The following KCNB2 variants were observed in gnomAD, a reference collection of about 807,000 sequenced individuals.
KCNB2 encodes the protein potassium voltage-gated channel subfamily B member 2.
KCNB2 carries 15 observed loss-of-function variants against 61.5 expected under a neutral mutation model. The observed-to-expected ratio is 0.24, with a 90% confidence interval of 0.16 to 0.38. The LOEUF (loss-of-function observed/expected upper bound fraction) is 0.38. Ranked by LOEUF, KCNB2 falls within the 10% of genes least tolerant of loss-of-function variation. The pLI is 1.00. For synonymous variants in KCNB2, 457 were observed against 446.0 expected, an observed-to-expected ratio of 1.02 and a Z score of -0.31; for missense variants, 828 against 1,125.2, an observed-to-expected ratio of 0.74 and a Z score of 3.78.
intron 2 of KCNB2, among the ~76,000 whole-genome samples, chr8:72,689,008 C>A (rs1372086282): frequency 6.6e-6 from 1 of 152,184 alleles, no homozygotes; most frequent in Admixed American, 6.5e-5. Context: ...GGATTACAGG[C>A]ATGAGCCACC....
Position 72,867,693 on chromosome 8 carries a change from C to T in KCNB2, c.580-68242C>T, listed in dbSNP as rs535849750. ...CTTGTTGAGGTTTCGAGAAGGCATGCCCAACAAATCCACTCACACTTCAGG... is the reference window on the plus strand; with the variant it reads ...CTTGTTGAGGTTTCGAGAAGGCATGTCCAACAAATCCACTCACACTTCAGG... On this transcript the variant is annotated intron_variant, in intron 2 of 2. Coordinates refer to ENST00000523207, the MANE Select transcript of KCNB2 (RefSeq NM_004770.3). Among the ~76,000 whole-genome samples the T allele has an allele frequency of 2.0e-5, 3 of 152,266 alleles. No homozygotes were observed. In the South Asian group the frequency reaches 6.2e-4, roughly 32 times the overall value.
chr8:72,751,671 C>T (rs975195564), intron 2 of KCNB2: 3 of 152,106 alleles, frequency 2.0e-5, no homozygotes, highest in Non-Finnish European at 4.4e-5. Flanking sequence ...CCAAATTCAG[C>T]ATTGAAAAAC....
intron 2 of KCNB2, among the ~76,000 whole-genome samples, chr8:72,920,006 C>T (rs998021096): frequency 2.0e-5 from 3 of 151,938 alleles, no homozygotes; most frequent in Admixed American, 6.6e-5. Context: ...GTAGATGCCT[C>T]GTAGCCAGAT....
intron 2 of KCNB2, among the ~76,000 whole-genome samples, chr8:72,834,461 G>A (rs1809747854): frequency 6.6e-6 from 1 of 152,142 alleles, no homozygotes; most frequent in South Asian, 2.1e-4. Context: ...AAGCCTCCCA[G>A]GAGACACCAT....
At chr8:72,729,613 G>A (rs1271246216) in intron 2 of KCNB2, among the ~76,000 whole-genome samples, 2 of 152,198 alleles carry the variant, frequency 1.3e-5, no homozygotes, top group African/African-American at 2.4e-5. Flanking sequence ...GCCGGGCGCG[G>A]TGGCTCATGC....
At chr8:72,828,978 A>G (rs753445816) in intron 2 of KCNB2, among the ~76,000 whole-genome samples, 39 of 152,138 alleles carry the variant, frequency 2.6e-4, no homozygotes, top group Non-Finnish European at 7.4e-5. Context: ...GATTAACGTT[A>G]GGCTTCTCTG....
intron 2 of KCNB2, among the ~76,000 whole-genome samples, chr8:72,836,837 G>A (rs1343752665): frequency 1.3e-5 from 2 of 152,142 alleles, no homozygotes; most frequent in Non-Finnish European, 2.9e-5. Flanking sequence ...TGGAACCCAG[G>A]AAGTTGAAAC....
chr8:72,546,516 CA>C (rs35073549), intron 1 of KCNB2, among the ~76,000 whole-genome samples: 5,001 of 117,144 alleles, frequency 0.043, 215 homozygotes, highest in African/African-American at 0.13. Flanking sequence ...GACTCTGTGT[CA>C]AAAAAAAAAA....
intron 2 of KCNB2, among the ~76,000 whole-genome samples, chr8:72,796,870 T>C (rs1270742236): frequency 1.3e-5 from 2 of 152,204 alleles, no homozygotes; most frequent in Admixed American, 6.5e-5. Context: ...ATGTCTTATG[T>C]GGAAAATTTT....
intron 2 of KCNB2, among the ~76,000 whole-genome samples, chr8:72,885,924 T>C (rs943080748): frequency 1.3e-5 from 2 of 152,292 alleles, no homozygotes; most frequent in Middle Eastern, 6.8e-3. Flanking sequence ...TAATTCTGAC[T>C]AAAGATATCA....
At chr8:72,714,865 C>T (rs1291517300) in intron 2 of KCNB2, among the ~76,000 whole-genome samples, 1 of 152,108 alleles carries the variant, frequency 6.6e-6, no homozygotes, top group Non-Finnish European at 1.5e-5. Context: ...CACAGACTGG[C>T]AAATTGGATA....
At position 72,599,145 on chromosome 8, in the gene KCNB2, A is replaced by G. The variant is rs962210101; in HGVS notation, c.579+30832A>G. 2.2e-4 allele frequency among the ~76,000 whole-genome samples: 34 copies of G among 152,020 alleles called. 1 individual carries two copies. Among genetic ancestry groups the G allele is most frequent in the Non-Finnish European group, 4.7e-4 (32 of 68,044 alleles). On this transcript the variant is annotated intron_variant, in intron 2 of 2. Coordinates refer to ENST00000523207, the MANE Select transcript of KCNB2 (RefSeq NM_004770.3). Reference sequence around the variant, plus strand: ...AAAAAGAGCCCGCATCGCCAAGTCAATCCTAAGCCAAAAGAACAAAGCTGG... The same window carrying G: ...AAAAAGAGCCCGCATCGCCAAGTCAGTCCTAAGCCAAAAGAACAAAGCTGG...
chr8:72,785,852 G>A (rs797001279), intron 2 of KCNB2, among the ~76,000 whole-genome samples: 3 of 152,100 alleles, frequency 2.0e-5, no homozygotes, highest in African/African-American at 7.2e-5. Context: ...CACTGGTTTA[G>A]GTGCTGAATG....
chr8:72,626,756 A>G (rs1386534366), intron 2 of KCNB2, among the ~76,000 whole-genome samples: 1 of 152,214 alleles, frequency 6.6e-6, no homozygotes, highest in Admixed American at 6.5e-5. Context: ...GCCCTTGACC[A>G]CTATGCATGG....
At chr8:72,856,485 G>A (rs992621299) in intron 2 of KCNB2, among the ~76,000 whole-genome samples, 1 of 152,118 alleles carries the variant, frequency 6.6e-6, no homozygotes, top group Admixed American at 6.6e-5. Flanking sequence ...ATCAATAGGG[G>A]CCTCATCGAA....
At chr8:72,687,847 A>G (rs1806876448) in intron 2 of KCNB2, among the ~76,000 whole-genome samples, 1 of 152,206 alleles carries the variant, frequency 6.6e-6, no homozygotes, top group Non-Finnish European at 1.5e-5. Flanking sequence ...TTAGAGGCCC[A>G]GAAATGGCCT....
intron 2 of KCNB2, among the ~76,000 whole-genome samples, chr8:72,844,154 A>G (rs1049786430): frequency 7.2e-5 from 11 of 152,072 alleles, no homozygotes; most frequent in Non-Finnish European, 2.9e-5. Flanking sequence ...ATCTCTCAGC[A>G]TTTGCTTGTC....
At chr8:72,726,443 A>T (rs1197444121) in intron 2 of KCNB2, among the ~76,000 whole-genome samples, 2 of 152,262 alleles carry the variant, frequency 1.3e-5, no homozygotes, top group Non-Finnish European at 2.9e-5. Context: ...TATAAATGAT[A>T]GTAAATACAT....
At chr8:72,912,992 AG>A (rs1392399620) in intron 2 of KCNB2, among the ~76,000 whole-genome samples, 1 of 152,170 alleles carries the variant, frequency 6.6e-6, no homozygotes, top group African/African-American at 2.4e-5. Context: ...GATAAAGCTT[AG>A]CAACAAAGCT....
Sources: gnomAD v4.1 joint callset for allele counts (sites outside exome capture counted in the v4.1 genomes callset) on GRCh38, gnomAD v4.1.1 for gene constraint, MANE v1.5 for transcripts, NCBI Gene and HGNC (gene_info 2026-07-23, HGNC 2026-07-21) for gene names.